The following GIP variants were observed in gnomAD, a reference collection of about 807,000 sequenced individuals.
GIP encodes gastric inhibitory polypeptide, also known as glucose-dependent insulinotropic polypeptide.
Under a neutral mutation model 18.1 loss-of-function variants are expected in GIP, and 16 were observed. The observed-to-expected ratio is 0.88, with a 90% CI of 0.60 to 1.34. The LOEUF is 1.34. Among genes scored for constraint, GIP ranks in the 40% most tolerant of loss-of-function variants. The probability of loss-of-function intolerance (pLI) is 0.00; values close to 1 mark genes in which losing one functional copy is unlikely to be tolerated. For synonymous variants in GIP, 76 were observed against 74.0 expected, an observed-to-expected ratio of 1.03 and a Z score of -0.14; for missense variants, 192 against 183.4, an observed-to-expected ratio of 1.05 and a Z score of -0.27.
chr17:48,967,313 G>T, intron 1 of GIP, 60 bp from the exon 2 acceptor site: 2 of 1,124,710 alleles, frequency 1.8e-6, no homozygotes, highest in Non-Finnish European at 2.7e-6. Context: ...TCTGAAAGCT[G>T]GAGAGGGGCA....
chr17:48,963,695 G>T (rs1465518591), intron 3 of GIP, among the ~76,000 whole-genome samples: 3 of 151,166 alleles, frequency 2.0e-5, no homozygotes, highest in Non-Finnish European at 3.0e-5. Context: ...TTAGCCAGGC[G>T]TGGTGGCACA....
Position 48,958,620 on chromosome 17 carries a change from T to C in GIP, c.*87A>G. 1 of 1,058,708 alleles carries C rather than the reference T, an allele frequency of 9.4e-7. No homozygotes were observed. Among genetic ancestry groups the C allele is most frequent in the Non-Finnish European group, 1.4e-6 (1 of 701,380 alleles). The allele number at this position is 1,058,708 out of a possible 1,614,324, so 65.6% of individuals were successfully genotyped here. A position where few individuals can be genotyped will look rare whatever the true frequency, so the allele number is the denominator to read the frequency against. ...TCGACTTAGCATAAACTTTATTGGT[T>C]TGGGTTCTCTTGGCTATTCTGGAGT... On this transcript the variant is annotated 3_prime_UTR_variant, in exon 6 of 6. Coordinates refer to ENST00000357424, the MANE Select transcript of GIP (RefSeq NM_004123.3).
intron 1 of GIP, among the ~76,000 whole-genome samples, chr17:48,968,132 A>T (rs2041245281): frequency 6.6e-6 from 1 of 151,500 alleles, no homozygotes. Context: ...TCGCTCTGTC[A>T]CCCGGGTTGG....
At chr17:48,958,915 C>T (rs1412956629) in intron 5 of GIP, among the ~76,000 whole-genome samples, 199 bp from the exon 6 acceptor site, 3 of 149,782 alleles carry the variant, frequency 2.0e-5, no homozygotes, top group Admixed American at 6.7e-5. Flanking sequence ...AGTGCAGTGG[C>T]GCGATCTCGG....
At chr17:48,967,378 G>A in intron 1 of GIP, 125 bp from the exon 2 acceptor site, 1 of 471,980 alleles carries the variant, frequency 2.1e-6, no homozygotes, top group South Asian at 2.2e-5. Context: ...TTTTTTTTTT[G>A]AGATGGAGTC....
rs117683177 is a variant in GIP at position 48,966,882 on chromosome 17, A to G, written c.86+265T>C. Among the ~76,000 whole-genome samples the G allele has an allele frequency of 7.0e-3, 1,067 of 152,246 alleles. 11 individuals carry two copies. The highest frequency in any genetic ancestry group is 0.011 in the Non-Finnish European group (740 of 68,014). ...AATAAAACATTTATTGGGAAGGGAG[A>G]TTCTGTCATCTTCGGACAATTAACC... On this transcript the variant is annotated intron_variant, in intron 2 of 5. Transcript: ENST00000357424.
intron 4 of GIP, 104 bp downstream of exon 4, chr17:48,961,623 T>A (rs2041200697): frequency 1.4e-6 from 1 of 698,814 alleles, no homozygotes. Flanking sequence ...AGAGGATGCT[T>A]ATCTCAGGTC....
intron 3 of GIP, among the ~76,000 whole-genome samples, chr17:48,963,865 A>G (rs1216331462): frequency 1.5e-5 from 2 of 132,716 alleles, no homozygotes; most frequent in East Asian, 2.0e-4. Flanking sequence ...AAAAAAAAAG[A>G]GAGAGAGAGG....
At chr17:48,960,600 A>G (rs8075581) in intron 5 of GIP, among the ~76,000 whole-genome samples, 23,133 of 152,066 alleles carry the variant, frequency 0.15, 2,846 homozygotes, top group African/African-American at 0.34. Context: ...AATCAGAGCT[A>G]CTAACCTTGC....
At chr17:48,959,045 A>G (rs1029340732) in intron 5 of GIP, among the ~76,000 whole-genome samples, 2 of 151,972 alleles carry the variant, frequency 1.3e-5, no homozygotes, top group African/African-American at 2.4e-5. Context: ...TAATAGAGAC[A>G]GGGTTTCACT....
chr17:48,965,903 GTA>G (rs1178759159), intron 2 of GIP, among the ~76,000 whole-genome samples: 9 of 152,178 alleles, frequency 5.9e-5, no homozygotes, highest in Non-Finnish European at 1.2e-4. Context: ...CTGCCACTCC[GTA>G]TAGGTAACAG....
In GIP at chr17:48,964,392, T is replaced by G. The variant is rs769719679; in HGVS notation, c.175A>C (p.Ser59Arg). ...TTGTCCATGGCAATACTGTAGTCAC[T>G]GATGAAAGTCCCTTCCGCGTACCTG... ...GPRYAEGTFI[S>R]DYSIAMDKIH... Residue 59 changes from serine (S) to arginine (R), a missense_variant, in exon 3 of 6, where the codon AGT (serine) becomes CGT (arginine). Ser to Arg is a moderately radical substitution (Grantham distance 110). Coordinates refer to ENST00000357424, the MANE Select transcript of GIP (RefSeq NM_004123.3). 1 of 1,613,610 alleles carries G rather than the reference T, an allele frequency of 6.2e-7. No individual in the cohort carries two copies. Among genetic ancestry groups the G allele is most frequent in the African/African-American group, 1.3e-5 (1 of 74,870 alleles).
intron 1 of GIP, among the ~76,000 whole-genome samples, chr17:48,967,799 C>T (rs145509717): frequency 0.012 from 1,784 of 151,036 alleles, 16 homozygotes; most frequent in Middle Eastern, 0.045. Flanking sequence ...TGCCTGCAAT[C>T]CCAGCACTTT....
intron 5 of GIP, among the ~76,000 whole-genome samples, chr17:48,959,254 T>C (rs555203082): frequency 9.9e-5 from 15 of 152,264 alleles, no homozygotes; most frequent in African/African-American, 3.4e-4. Flanking sequence ...AGTCTTGAAC[T>C]CCTGGCCTCA....
chr17:48,965,230 G>A (rs1219876313), intron 2 of GIP, among the ~76,000 whole-genome samples: 1 of 151,090 alleles, frequency 6.6e-6, no homozygotes, highest in African/African-American at 2.4e-5. Flanking sequence ...GAACCTGGGA[G>A]GTGGAGGTTG....
In GIP at chr17:48,964,173, A is replaced by AG. The variant is rs1481878194; in HGVS notation, c.257+136_257+137insC. The AG allele has an allele frequency of 6.8e-4, 406 of 593,816 alleles. 2 individuals are homozygous for AG. Among genetic ancestry groups the AG allele is most frequent in the South Asian group, 6.6e-3 (265 of 40,212 alleles). 36.8% of individuals were successfully genotyped at this position (593,816 alleles called of 1,614,324 possible). A position where few individuals can be genotyped will look rare whatever the true frequency, so the allele number is the denominator to read the frequency against. The stretch of plus-strand genomic sequence containing the variant: ...AGACTCCATCTCAAAAAAAAAAAAA[A>AG]AAAAGAAAAGAAAAAGAAAGGTGCC... On this transcript the variant is annotated intron_variant, in intron 3 of 5. Transcript: ENST00000357424.
intron 4 of GIP, 73 bp downstream of exon 4, chr17:48,961,654 G>T: frequency 1.1e-6 from 1 of 922,058 alleles, no homozygotes; most frequent in East Asian, 2.4e-5. Context: ...TCTGGGGTCA[G>T]GGAGAGGGAA....
At chr17:48,962,194 C>G (rs2041204103) in intron 3 of GIP, among the ~76,000 whole-genome samples, 1 of 152,152 alleles carries the variant, frequency 6.6e-6, no homozygotes, top group African/African-American at 2.4e-5. Flanking sequence ...CTCAGCCTCC[C>G]GAGTAGCTGA....
At chr17:48,963,083 G>A (rs974807996) in intron 3 of GIP, among the ~76,000 whole-genome samples, 1 of 28,552 alleles carries the variant, frequency 3.5e-5, no homozygotes, top group Non-Finnish European at 7.9e-5. Context: ...CTCCAGCCTG[G>A]GTGACAGAGC....
Sources: allele counts gnomAD v4.1 joint callset (sites outside exome capture counted in the v4.1 genomes callset), GRCh38; gene constraint gnomAD v4.1.1; transcripts MANE v1.5; gene names NCBI Gene and HGNC (gene_info 2026-07-23, HGNC 2026-07-21).